TBC1D5: variants seen among roughly 807,000 people sequenced by gnomAD.
The protein encoded by TBC1D5 is TBC1 domain family member 5, also known as TBC1 domain family, member 5.
Under a neutral mutation model 100.3 loss-of-function variants are expected in TBC1D5, and 75 were observed. The ratio of observed to expected loss-of-function variants is 0.75; its 90% CI spans 0.62 to 0.91. The LOEUF is 0.91. Ranked by LOEUF, TBC1D5 falls within the 40% of genes least tolerant of loss-of-function variation. TBC1D5 has a pLI of 0.00. For missense variants in TBC1D5, 910 were observed against 942.4 expected (o/e 0.97, Z 0.45); for synonymous variants, 323 against 325.6 (o/e 0.99, Z 0.09).
chr3:17,373,437 A>C (rs934154686), intron 12 of TBC1D5, among the ~76,000 whole-genome samples: 4 of 152,192 alleles, frequency 2.6e-5, no homozygotes, highest in Non-Finnish European at 5.9e-5. Flanking sequence ...TGTGTAATAT[A>C]ATGAGACAAC....
intron 15 of TBC1D5, 127 bp from the exon 16 acceptor site, chr3:17,258,718 G>T: frequency 1.7e-6 from 1 of 578,394 alleles, no homozygotes; most frequent in Non-Finnish European, 2.7e-6. Flanking sequence ...TTAATAATTA[G>T]TGTGATTGGG....
intron 2 of TBC1D5, among the ~76,000 whole-genome samples, chr3:17,579,109 T>C (rs917741310): frequency 3.3e-5 from 5 of 152,056 alleles, no homozygotes; most frequent in Admixed American, 6.6e-5. Flanking sequence ...TCTTATTCTG[T>C]CTCATTAATA....
At chr3:17,366,732 A>G (rs1050176757) in intron 13 of TBC1D5, among the ~76,000 whole-genome samples, 2 of 152,126 alleles carry the variant, frequency 1.3e-5, no homozygotes, top group Non-Finnish European at 2.9e-5. Flanking sequence ...TTTTTTACCA[A>G]TATGTTTATA....
chr3:17,552,293 C>A (rs1046535834), intron 2 of TBC1D5, among the ~76,000 whole-genome samples: 2 of 151,964 alleles, frequency 1.3e-5, no homozygotes, highest in Non-Finnish European at 2.9e-5. Flanking sequence ...CTGTTAGAGA[C>A]CTTATGCTTC....
chr3:17,499,447 C>T (rs2095756817), intron 3 of TBC1D5, among the ~76,000 whole-genome samples: 1 of 135,208 alleles, frequency 7.4e-6, no homozygotes, highest in African/African-American at 3.3e-5. Context: ...GTGGCTCACA[C>T]CTGTAATCTC....
chr3:17,406,798 G>A (rs1009299702), intron 4 of TBC1D5: 1 of 347,172 alleles, frequency 2.9e-6, no homozygotes, highest in Non-Finnish European at 5.1e-6. Flanking sequence ...AATGCTGATA[G>A]TACAGTTCAG....
intron 4 of TBC1D5, among the ~76,000 whole-genome samples, chr3:17,414,889 T>C (rs1037240727): frequency 2.6e-5 from 4 of 152,152 alleles, no homozygotes; most frequent in African/African-American, 9.7e-5. Flanking sequence ...AAAAACAGAA[T>C]GCACAATTAC....
At chr3:17,466,275 G>C (rs1359710525) in intron 3 of TBC1D5, among the ~76,000 whole-genome samples, 2 of 152,200 alleles carry the variant, frequency 1.3e-5, no homozygotes, top group Non-Finnish European at 2.9e-5. Context: ...GCTAAAATAT[G>C]AATCAGCTCT....
intron 1 of TBC1D5, among the ~76,000 whole-genome samples, chr3:17,735,491 G>A (rs1577910259): frequency 6.6e-6 from 1 of 152,146 alleles, no homozygotes; most frequent in African/African-American, 2.4e-5. Flanking sequence ...CAAGATGGTG[G>A]CGGCCACTCC....
At chr3:17,309,047 T>G (rs2083703709) in intron 13 of TBC1D5, among the ~76,000 whole-genome samples, 1 of 152,076 alleles carries the variant, frequency 6.6e-6, no homozygotes, top group East Asian at 1.9e-4. Flanking sequence ...TTCTATGTGA[T>G]TCTAGCAAAT....
At chr3:17,378,692 T>G (rs2092806948) in intron 9 of TBC1D5, among the ~76,000 whole-genome samples, 1 of 151,762 alleles carries the variant, frequency 6.6e-6, no homozygotes, top group Non-Finnish European at 1.5e-5. Context: ...AATAAATCAT[T>G]CTTCATGGTT....
chr3:17,164,893 T>C (rs2066437439), intron 21 of TBC1D5, among the ~76,000 whole-genome samples: 1 of 152,250 alleles, frequency 6.6e-6, no homozygotes, highest in South Asian at 2.1e-4. Flanking sequence ...TGCTTCTCTG[T>C]TTCTCTCTTC....
intron 1 of TBC1D5, among the ~76,000 whole-genome samples, chr3:17,719,605 T>C (rs1222455535): frequency 1.3e-5 from 2 of 152,154 alleles, no homozygotes; most frequent in African/African-American, 4.8e-5. Flanking sequence ...CAAACAATAG[T>C]AGTAACTGCT....
chr3:17,283,529 T>A (rs1454584889), intron 15 of TBC1D5, among the ~76,000 whole-genome samples: 2 of 151,500 alleles, frequency 1.3e-5, no homozygotes, highest in Admixed American at 1.3e-4. Context: ...GAATTCAGAG[T>A]CGTGGCCACA....
At position 17,391,588 on chromosome 3, in the gene TBC1D5, T is replaced by C. The variant is rs185767732; in HGVS notation, c.510-7573A>G. Reference sequence around the variant, plus strand: ...AAAAAAAAAAAATACCTAAAATATGTGGTAGAAGTGCCTATGGGACTGGAT... The same window carrying C: ...AAAAAAAAAAAATACCTAAAATATGCGGTAGAAGTGCCTATGGGACTGGAT... On this transcript the variant is annotated intron_variant, in intron 8 of 21. Coordinates refer to ENST00000253692, the Ensembl canonical transcript of TBC1D5. Among the ~76,000 whole-genome samples, 4 of 150,318 alleles carry C rather than the reference T, an allele frequency of 2.7e-5. No individual in the cohort carries two copies. The East Asian group carries it at 7.8e-4, about 29-fold the overall frequency.
chr3:17,201,625 T>A (rs1331685023), intron 18 of TBC1D5, among the ~76,000 whole-genome samples: 1 of 152,168 alleles, frequency 6.6e-6, no homozygotes, highest in Non-Finnish European at 1.5e-5. Context: ...GGTGATTGGA[T>A]CATTTGGATT....
intron 1 of TBC1D5, among the ~76,000 whole-genome samples, chr3:17,648,696 G>C (rs966310315): frequency 4.6e-5 from 7 of 152,120 alleles, no homozygotes; most frequent in Non-Finnish European, 1.0e-4. Context: ...CTCAAAAGAA[G>C]ACATACATGC....
intron 19 of TBC1D5, among the ~76,000 whole-genome samples, chr3:17,182,653 T>G (rs2068577859): frequency 6.6e-6 from 1 of 152,194 alleles, no homozygotes. Context: ...GTCATCCAAG[T>G]AGCCAGAAAA....
At chr3:17,336,724 T>A (rs1236621806) in intron 13 of TBC1D5, among the ~76,000 whole-genome samples, 1 of 150,166 alleles carries the variant, frequency 6.7e-6, no homozygotes, top group African/African-American at 2.5e-5. Flanking sequence ...AAAAAAAAGA[T>A]AAAAATCCAA....
Sources: allele counts gnomAD v4.1 joint callset (sites outside exome capture counted in the v4.1 genomes callset), GRCh38; gene constraint gnomAD v4.1.1; transcripts MANE v1.5; gene names NCBI Gene and HGNC (gene_info 2026-07-23, HGNC 2026-07-21).